Variants in SLC6A11 observed in about 807,000 individuals in gnomAD.
SLC6A11 encodes sodium- and chloride-dependent GABA transporter 3.
SLC6A11 carries 25 observed loss-of-function variants against 74.8 expected under a neutral mutation model. That is an observed-to-expected ratio of 0.33 (90% CI 0.24 to 0.47). SLC6A11 has a LOEUF of 0.47. Ranked by LOEUF, SLC6A11 falls within the 20% of genes least tolerant of loss-of-function variation. The probability of loss-of-function intolerance (pLI) is 1.00; values close to 1 mark genes in which losing one functional copy is unlikely to be tolerated. For missense variants in SLC6A11, 574 were observed against 837.0 expected, an observed-to-expected ratio of 0.69 and a Z score of 3.88; for synonymous variants, 330 against 330.2, an observed-to-expected ratio of 1.00 and a Z score of 0.01.
At chr3:10,831,235 C>G (rs140747797) in intron 4 of SLC6A11, among the ~76,000 whole-genome samples, 1 of 152,040 alleles carries the variant, frequency 6.6e-6, no homozygotes, top group African/African-American at 2.4e-5. Context: ...AGCAATAACC[C>G]GCGGCACTGG....
rs566058439 is a variant in SLC6A11, at chr3:10,937,401, C to T, written c.1747-849C>T. On this transcript the variant is annotated intron_variant, in intron 13 of 13. Coordinates refer to ENST00000254488, the MANE Select transcript of SLC6A11 (RefSeq NM_014229.3). ...GCACAGGTGAGTCTGCCTGTTAATC[C>T]TACCTGGACAGTGTGCCACAGCAGG... is the stretch of plus-strand genomic sequence containing the variant. Among the ~76,000 whole-genome samples the T allele has an allele frequency of 2.0e-5, 3 of 152,338 alleles. No individual in the cohort carries two copies. In the South Asian group the frequency reaches 6.2e-4, roughly 32 times the overall value.
chr3:10,886,865 TA>T (rs1291725401), intron 6 of SLC6A11, among the ~76,000 whole-genome samples: 4 of 152,206 alleles, frequency 2.6e-5, no homozygotes, highest in Admixed American at 2.6e-4. Flanking sequence ...GCCCTTGTTT[TA>T]TTTTATTCAC....
chr3:10,825,946 G>A (rs73113812), intron 4 of SLC6A11, among the ~76,000 whole-genome samples: 12 of 152,114 alleles, frequency 7.9e-5, no homozygotes, highest in African/African-American at 2.9e-4. Flanking sequence ...AGCCTGTAAG[G>A]CAAGTCTCCC....
intron 4 of SLC6A11, among the ~76,000 whole-genome samples, chr3:10,831,651 T>G (rs150108353): frequency 9.5e-4 from 144 of 152,330 alleles, no homozygotes; most frequent in Non-Finnish European, 1.6e-3. Flanking sequence ...TGCTTTGTAC[T>G]TTTTTGTATT....
At chr3:10,863,934 A>G (rs1215630979) in intron 5 of SLC6A11, among the ~76,000 whole-genome samples, 4 of 152,126 alleles carry the variant, frequency 2.6e-5, no homozygotes, top group Non-Finnish European at 5.9e-5. Flanking sequence ...CTTTGGAATC[A>G]TAGGTCAAAT....
At chr3:10,914,825 C>G (rs1245829948) in intron 7 of SLC6A11, among the ~76,000 whole-genome samples, 2 of 152,186 alleles carry the variant, frequency 1.3e-5, no homozygotes, top group South Asian at 4.1e-4. Flanking sequence ...TTCAAATGTA[C>G]ACTGTCTGTG....
chr3:10,843,212 T>C (rs1226385249), intron 4 of SLC6A11, among the ~76,000 whole-genome samples: 1 of 152,092 alleles, frequency 6.6e-6, no homozygotes, highest in African/African-American at 2.4e-5. Flanking sequence ...CTCTGAAGAA[T>C]TGGTGGGTTC....
At chr3:10,883,984 A>G (rs1695013257) in intron 6 of SLC6A11, among the ~76,000 whole-genome samples, 1 of 152,210 alleles carries the variant, frequency 6.6e-6, no homozygotes, top group Non-Finnish European at 1.5e-5. Flanking sequence ...CATGGCGCTT[A>G]TCTTCAAGGA....
At chr3:10,919,453 T>G (rs998297659) in intron 8 of SLC6A11, among the ~76,000 whole-genome samples, 1 of 152,102 alleles carries the variant, frequency 6.6e-6, no homozygotes, top group African/African-American at 2.4e-5. Context: ...CCCAACTCAT[T>G]GTGACAACTG....
intron 6 of SLC6A11, among the ~76,000 whole-genome samples, chr3:10,895,108 T>C (rs1356521167): frequency 6.6e-6 from 1 of 152,034 alleles, no homozygotes; most frequent in Non-Finnish European, 1.5e-5. Context: ...CTCAGGGAGA[T>C]GAACAGCCTG....
chr3:10,921,197 C>G (rs1475605720), intron 8 of SLC6A11, among the ~76,000 whole-genome samples: 1 of 152,222 alleles, frequency 6.6e-6, no homozygotes. Context: ...TCAGGATGCT[C>G]TCTTCTAGGG....
In SLC6A11 at chr3:10,874,942, C is replaced by A; in HGVS notation, c.757-19C>A. The A allele has an allele frequency of 6.3e-7, 1 of 1,584,732 alleles. No individual in the cohort carries two copies. Among genetic ancestry groups the A allele is most frequent in the Admixed American group, 1.7e-5 (1 of 58,224 alleles). ...GCTCTCACCCCCTTCTTGATTCTGT[C>A]CTCTCCTCTTGTGCACAGGTTGTAT... On this transcript the variant is annotated intron_variant, in intron 5 of 13. Coordinates refer to ENST00000254488, the MANE Select transcript of SLC6A11 (RefSeq NM_014229.3).
chr3:10,918,563 C>A lies in SLC6A11; in HGVS notation c.1120+110C>A. The A allele has an allele frequency of 7.6e-7, 1 of 1,312,150 alleles. No individual in the cohort carries two copies. The highest frequency in any genetic ancestry group is 1.0e-6 in the Non-Finnish European group (1 of 978,720). 81.3% of individuals were successfully genotyped at this position (1,312,150 alleles called of 1,614,324 possible). A position where few individuals can be genotyped will look rare whatever the true frequency, so the allele number is the denominator to read the frequency against. On this transcript the variant is annotated intron_variant, in intron 8 of 13. Coordinates refer to ENST00000254488, the MANE Select transcript of SLC6A11 (RefSeq NM_014229.3). The surrounding 1 kb of genome is among the most constrained non-coding windows in gnomAD (Gnocchi z 4.5). ...GGCTCACACATCTCCTGGATTCAGG[C>A]CTCAGAAAGGGGCCCCACCATTCAT...
chr3:10,904,392 A>G (rs1444354153), intron 6 of SLC6A11, among the ~76,000 whole-genome samples: 1 of 152,098 alleles, frequency 6.6e-6, no homozygotes, highest in Non-Finnish European at 1.5e-5. Context: ...CTCTCTTCTA[A>G]AGGGGCCCCA....
intron 6 of SLC6A11, among the ~76,000 whole-genome samples, chr3:10,892,551 A>C (rs1282962761): frequency 6.6e-6 from 1 of 150,810 alleles, no homozygotes; most frequent in Non-Finnish European, 1.5e-5. Flanking sequence ...GAGAGTGTCT[A>C]GTAAAATCAC....
rs2106569811 is a variant in SLC6A11 at position 10,820,726 on chromosome 3, A to G, written c.532+874A>G. On this transcript the variant is annotated intron_variant, in intron 3 of 13. Transcript: ENST00000254488. ...TGTCTAAGCTGGCCATGCTCACAGAAGACATCGCTAATCAATTGTAGCACT... is the reference window on the plus strand; with the variant it reads ...TGTCTAAGCTGGCCATGCTCACAGAGGACATCGCTAATCAATTGTAGCACT... 1.3e-5 allele frequency among the ~76,000 whole-genome samples: 2 copies of G among 152,294 alleles called. 1 individual carries two copies. Among genetic ancestry groups the G allele is most frequent in the Admixed American group, 1.3e-4 (2 of 15,304 alleles).
chr3:10,899,990 G>A (rs1217592256), intron 6 of SLC6A11, among the ~76,000 whole-genome samples: 1 of 152,236 alleles, frequency 6.6e-6, no homozygotes, highest in African/African-American at 2.4e-5. Context: ...GACAGGTGGT[G>A]GATGTCTTTC....
At chr3:10,853,996 A>G (rs1395841838) in intron 5 of SLC6A11, among the ~76,000 whole-genome samples, 3 of 152,180 alleles carry the variant, frequency 2.0e-5, no homozygotes, top group Non-Finnish European at 4.4e-5. Flanking sequence ...TACGGCTTTC[A>G]TTGTGTAGCT....
chr3:10,932,776 G>A (rs147470618), intron 10 of SLC6A11, among the ~76,000 whole-genome samples: 67 of 152,298 alleles, frequency 4.4e-4, no homozygotes, highest in African/African-American at 1.5e-3. Flanking sequence ...GAAAGCTGGC[G>A]TGCAGACGGA....
Sources: gnomAD v4.1 joint callset for allele counts (sites outside exome capture counted in the v4.1 genomes callset) on GRCh38, gnomAD v4.1.1 for gene constraint, Gnocchi (gnomAD v3.1) non-coding constraint, MANE v1.5 for transcripts, NCBI Gene and HGNC (gene_info 2026-07-23, HGNC 2026-07-21) for gene names.